SLC2A12: variants seen among roughly 807,000 people sequenced by gnomAD.
The protein encoded by SLC2A12 is solute carrier family 2 member 12.
A neutral mutation model predicts 41.8 loss-of-function variants in SLC2A12; 23 were observed. The observed-to-expected ratio is 0.55, with a 90% CI of 0.40 to 0.78. SLC2A12 has a LOEUF of 0.78. Ranked by LOEUF, SLC2A12 falls within the 30% of genes least tolerant of loss-of-function variation. SLC2A12 has a pLI of 0.00. For missense variants in SLC2A12, 654 were observed against 745.6 expected (o/e 0.88, Z 1.43); for synonymous variants, 295 against 285.9 (o/e 1.03, Z -0.32).
At chr6:133,995,698 G>C (rs558492896) in intron 4 of SLC2A12, among the ~76,000 whole-genome samples, 25 of 152,264 alleles carry the variant, frequency 1.6e-4, no homozygotes, top group African/African-American at 6.0e-4. Flanking sequence ...CACTTACTAT[G>C]GCACACTTTA....
Position 134,044,753 on chromosome 6 carries a change from AT to A in SLC2A12, c.103+7624del, listed in dbSNP as rs34896875. Among the ~76,000 whole-genome samples, 1,425 of 147,348 alleles carry A rather than the reference AT, an allele frequency of 9.7e-3. 24 individuals are homozygous for A. The highest frequency in any genetic ancestry group is 0.031 in the African/African-American group (1,238 of 39,698). Reference sequence around the variant, plus strand: ...AAAAAAAGAATAATGTCTTAGATACATTTTTTTTTAACCCTGAAGCATCCAG... The same window carrying A: ...AAAAAAAGAATAATGTCTTAGATACATTTTTTTTAACCCTGAAGCATCCAG... On this transcript the variant is annotated intron_variant, in intron 1 of 4. Coordinates refer to ENST00000275230, the MANE Select transcript of SLC2A12 (RefSeq NM_145176.3).
At chr6:134,044,061 C>T (rs1335889343) in intron 1 of SLC2A12, among the ~76,000 whole-genome samples, 2 of 152,158 alleles carry the variant, frequency 1.3e-5, no homozygotes, top group South Asian at 4.1e-4. Context: ...GCTATTTTCC[C>T]TCCTTAGAAT....
intron 1 of SLC2A12, among the ~76,000 whole-genome samples, chr6:134,031,809 A>G (rs1417960165): frequency 2.6e-5 from 4 of 152,238 alleles, no homozygotes; most frequent in Non-Finnish European, 5.9e-5. Context: ...TCAAGCCTGG[A>G]CATATGTATT....
chr6:134,032,792 T>TTATA (rs10632688), intron 1 of SLC2A12, among the ~76,000 whole-genome samples: 72,090 of 137,670 alleles, frequency 0.52, 19,317 homozygotes, highest in African/African-American at 0.64. Context: ...TATATATATA[T>TTATA]TATATATATA....
Position 133,988,353 on chromosome 6 carries a change from G to A in SLC2A12, c.*2802C>T, listed in dbSNP as rs971362405. ...CCTGTCATTTAGGTTTAGGAGTTTA[G>A]TGTAACCAACAGTGATTATACCTAG... On this transcript the variant is annotated 3_prime_UTR_variant, in exon 5 of 5. Transcript: ENST00000275230. 6.6e-6 allele frequency: 1 copy of A among 152,204 alleles called. No individual in the cohort carries two copies. Among genetic ancestry groups the A allele is most frequent in the African/African-American group, 2.4e-5 (1 of 41,458 alleles). The allele number at this position is 152,204 out of a possible 1,614,324, so 9.4% of individuals were successfully genotyped here.
intron 4 of SLC2A12, 102 bp from the exon 5 acceptor site, chr6:133,991,410 A>G (rs1776622137): frequency 8.0e-7 from 1 of 1,255,332 alleles, no homozygotes; most frequent in Admixed American, 2.4e-5. Context: ...TTAATGTTTT[A>G]GCTATGCAAA....
chr6:134,050,851 G>A (rs1773672075), intron 1 of SLC2A12, among the ~76,000 whole-genome samples: 1 of 152,110 alleles, frequency 6.6e-6, no homozygotes, highest in Non-Finnish European at 1.5e-5. Flanking sequence ...TGAGTAGCAA[G>A]CGCTTAGGGA....
intron 1 of SLC2A12, among the ~76,000 whole-genome samples, chr6:134,040,936 T>C (rs760762068): frequency 3.3e-5 from 5 of 152,204 alleles, no homozygotes; most frequent in Non-Finnish European, 7.4e-5. Context: ...CTGGTTGCAG[T>C]TAGAAACTCC....
intron 4 of SLC2A12, among the ~76,000 whole-genome samples, chr6:133,995,432 TC>T (rs1562189359): frequency 6.6e-6 from 1 of 151,968 alleles, no homozygotes; most frequent in Admixed American, 6.6e-5. Flanking sequence ...GGTGGAAGTT[TC>T]CCCCTGATTA....
At position 133,991,151 on chromosome 6, in the gene SLC2A12, G is replaced by C. The variant is rs535192487; in HGVS notation, c.*4C>G. On this transcript the variant is annotated 3_prime_UTR_variant, in exon 5 of 5. Coordinates refer to ENST00000275230, the MANE Select transcript of SLC2A12 (RefSeq NM_145176.3). ...CTATCCACGTTCAGAAGGTGTTGAG[G>C]CCATTAGGTCTCTGGAGAAAGCTGC... The C allele has an allele frequency of 6.2e-7, 1 of 1,610,620 alleles. No individual in the cohort carries two copies.
At chr6:134,046,927 G>GA (rs201797339) in intron 1 of SLC2A12, among the ~76,000 whole-genome samples, 3 of 151,896 alleles carry the variant, frequency 2.0e-5, no homozygotes, top group Admixed American at 6.6e-5. Context: ...AAATAATACA[G>GA]AAAAAAAATT....
At chr6:134,013,596 T>A (rs1776917754) in intron 2 of SLC2A12, among the ~76,000 whole-genome samples, 1 of 152,140 alleles carries the variant, frequency 6.6e-6, no homozygotes, top group Non-Finnish European at 1.5e-5. Context: ...TTTAAATGGA[T>A]GAAAATGATT....
rs1215318059 is a variant in SLC2A12, at chr6:134,006,843, G to A, written c.1536C>T (p.Leu512=). The part of the protein sequence containing the change: ...LTSSMNWGIN[L]LISLTFLTVT... ...CAGTCAAAAATGTCAGCGAGATGAG[G>A]AGATTGATGCCCCAGTTCATGCTAG... Residue 512 remains leucine, a synonymous_variant, in exon 3 of 5, where the codon CTC becomes CTT. Transcript: ENST00000275230. 4.3e-6 allele frequency: 7 copies of A among 1,614,190 alleles called. No individual in the cohort carries two copies. The highest frequency in any genetic ancestry group is 5.9e-6 in the Non-Finnish European group (7 of 1,180,032).
At chr6:134,052,282 C>A (rs1773698966) in intron 1 of SLC2A12, 96 bp downstream of exon 1, 1 of 988,654 alleles carries the variant, frequency 1.0e-6, no homozygotes, top group African/African-American at 1.6e-5. Context: ...CACACACACA[C>A]ACACACACAC....
intron 2 of SLC2A12, among the ~76,000 whole-genome samples, chr6:134,017,506 A>G (rs995421755): frequency 6.6e-6 from 1 of 152,216 alleles, no homozygotes; most frequent in Non-Finnish European, 1.5e-5. Flanking sequence ...AACAGGGCAG[A>G]GTTGATGTTT....
chr6:134,027,615 C>G (rs1044122591), intron 2 of SLC2A12, among the ~76,000 whole-genome samples: 13 of 152,126 alleles, frequency 8.5e-5, no homozygotes, highest in African/African-American at 2.4e-4. Flanking sequence ...CCCTTCACAG[C>G]CTCCCTACAG....
chr6:134,005,682 A>AG (rs1206020667), intron 3 of SLC2A12, among the ~76,000 whole-genome samples: 1 of 133,088 alleles, frequency 7.5e-6, no homozygotes, highest in Non-Finnish European at 1.7e-5. Context: ...AAAAAAAAAA[A>AG]AAAAAAAAAA....
rs1303661897 is a variant in SLC2A12 at position 134,028,452 on chromosome 6, G to C, written c.1373C>G (p.Ala458Gly). The C allele has an allele frequency of 6.2e-7, 1 of 1,614,210 alleles. No homozygotes were observed. The highest frequency in any genetic ancestry group is 1.7e-5 in the Admixed American group (1 of 60,030). Residue 458 changes from alanine to glycine, a missense_variant, in exon 2 of 5, where the codon GCT becomes GGT. Coordinates refer to ENST00000275230, the MANE Select transcript of SLC2A12 (RefSeq NM_145176.3). The part of the protein sequence containing the change: ...QIVTDPGDVP[A>G]FLKWLSLASL... ...GGCTAAGGACAGCCATTTCAAAAAA[G>C]CTGGGACGTCCCCAGGGTCTGTGAC...
intron 1 of SLC2A12, among the ~76,000 whole-genome samples, chr6:134,032,625 T>G (rs182339461): frequency 6.7e-4 from 98 of 147,194 alleles, no homozygotes; most frequent in African/African-American, 2.2e-3. Flanking sequence ...TGCCCCAAAC[T>G]AGCTTTCCCA....
Sources: allele counts gnomAD v4.1 joint callset (sites outside exome capture counted in the v4.1 genomes callset), GRCh38; gene constraint gnomAD v4.1.1; transcripts MANE v1.5; gene names NCBI Gene and HGNC (gene_info 2026-07-23, HGNC 2026-07-21).